GFUS: variants seen among roughly 807,000 people sequenced by gnomAD.
The protein encoded by GFUS is 3-5 epimerase/4-reductase.
A neutral mutation model predicts 41.5 loss-of-function variants in GFUS; 42 were observed. That is an observed-to-expected ratio of 1.01 (90% confidence interval 0.79 to 1.31). The LOEUF (loss-of-function observed/expected upper bound fraction) is 1.31. Among genes scored for constraint, GFUS ranks in the 50% most tolerant of loss-of-function variants. The pLI is 0.00. For synonymous variants in GFUS, 188 were observed against 173.4 expected (o/e 1.08, Z -0.66); for missense variants, 437 against 428.7 (o/e 1.02, Z -0.17).
chr8:143,614,277 T>A, intron 6 of GFUS, 43 bp downstream of exon 6: 1 of 1,613,602 alleles, frequency 6.2e-7, no homozygotes, highest in Non-Finnish European at 8.5e-7. Context: ...GGTCACCTCC[T>A]CCCGAGCTGA....
intron 1 of GFUS, chr8:143,616,935 C>T: frequency 1.6e-6 from 1 of 609,768 alleles, no homozygotes. Flanking sequence ...TCCTGAGCTA[C>T]CACCCAGCCC....
chr8:143,615,470 G>A (rs1829702338), intron 3 of GFUS, among the ~76,000 whole-genome samples: 3 of 152,294 alleles, frequency 2.0e-5, no homozygotes, highest in Admixed American at 1.3e-4. Context: ...TGGGAAGGCC[G>A]AGACACCGAC....
chr8:143,614,904 C>T lies in GFUS; in HGVS notation c.273G>A (p.Val91=). 1 of 1,607,814 alleles carries T rather than the reference C, an allele frequency of 6.2e-7. No individual in the cohort carries two copies. Among genetic ancestry groups the T allele is most frequent in the African/African-American group, 1.3e-5 (1 of 74,992 alleles). The change falls in exon 4 of 11, where the codon GTG becomes GTA. Residue 91 remains valine (V), a synonymous_variant. Coordinates refer to ENST00000425753, the MANE Select transcript of GFUS (RefSeq NM_003313.4). ...AGTGCAGGACGTTGTCGTTCATGTG[C>T]ACGTTTTTCCTCTGCAGGGGTGAGG... ...KYNLDFWRKN[V]HMNDNVLHSA... is the part of the protein sequence containing the mutation.
At position 143,616,290 on chromosome 8, in the gene GFUS, G is replaced by A. The variant is rs1829724046; in HGVS notation, c.147-70C>T. On this transcript the variant is annotated intron_variant, in intron 2 of 10. Transcript: ENST00000425753. ...CCCCAGGGTTGGGTGCCAAGTGCAGGAACTGGGTGGGACTATGGCAGGAGG... is the reference window on the plus strand; with the variant it reads ...CCCCAGGGTTGGGTGCCAAGTGCAGAAACTGGGTGGGACTATGGCAGGAGG... 5 of 1,451,502 alleles carry A rather than the reference G, an allele frequency of 3.4e-6. No homozygotes were observed. In the African/African-American group the frequency reaches 5.6e-5, roughly 16 times the overall value. The allele number at this position is 1,451,502 out of a possible 1,614,324, so 89.9% of individuals were successfully genotyped here.
chr8:143,614,762 C>T, intron 4 of GFUS, 25 bp downstream of exon 4: 2 of 1,613,448 alleles, frequency 1.2e-6, no homozygotes, highest in South Asian at 1.1e-5. Flanking sequence ...CCCGGCCCCA[C>T]CCACAGCCAG....
chr8:143,613,500 C>A (rs1394340250), intron 9 of GFUS, 24 bp downstream of exon 9: 18 of 1,608,682 alleles, frequency 1.1e-5, no homozygotes, highest in Non-Finnish European at 1.5e-5. Context: ...CCGCCCAACC[C>A]CCAGCACTGG....
Position 143,614,216 on chromosome 8 carries a change from G to A in GFUS, c.611C>T (p.Ala204Val). Residue 204 changes from alanine to valine, a missense_variant, in exon 7 of 11, where the codon GCC becomes GTC. Transcript: ENST00000425753. The stretch of plus-strand genomic sequence containing the variant: ...ATTCCCTGTACCCCACACCGTCAGG[G>A]CCGAGCCGCTGCCTGCAGATTTGGG... The part of the protein sequence containing the change: ...KVHLAKSSGS[A>V]LTVWGTGNPR... 1.2e-6 allele frequency: 2 copies of A among 1,613,556 alleles called. No individual in the cohort carries two copies. The highest frequency in any genetic ancestry group is 1.7e-6 in the Non-Finnish European group (2 of 1,180,016).
At chr8:143,617,774 G>A (rs1409103050), upstream of GFUS, among the ~76,000 whole-genome samples, 1 of 152,112 alleles carries the variant, frequency 6.6e-6, no homozygotes, top group African/African-American at 2.4e-5. Context: ...TGGGACGGCG[G>A]AAGGACACGA....
chr8:143,614,161 C>T lies in GFUS; in HGVS notation c.663+3G>A, dbSNP rs762686594. ...GGGGAGAGCTGTGCCTTCCTTTACGCACCAGCGAGTATATGAACTGCCTCC... is the reference window on the plus strand; with the variant it reads ...GGGGAGAGCTGTGCCTTCCTTTACGTACCAGCGAGTATATGAACTGCCTCC... On this transcript the variant is annotated splice_donor_region_variant and intron_variant, in intron 7 of 10. Transcript: ENST00000425753. 4 of 1,613,062 alleles carry T rather than the reference C, an allele frequency of 2.5e-6. No homozygotes were observed. Among genetic ancestry groups the T allele is most frequent in the East Asian group, 2.2e-5 (1 of 44,880 alleles).
Position 143,616,142 on chromosome 8 carries a change from G to A in GFUS, c.225C>T (p.Gly75=), listed in dbSNP as rs976603804. ...HVIHLAAMVG[G]LFRNIKYNLD... is the part of the protein sequence containing the mutation. ...AATTGTATTTGATATTCCGGAACAG[G>A]CCCCCCACCATTGCAGCAAGATGGA... Residue 75 remains glycine, a synonymous_variant, in exon 3 of 11, where the codon GGC becomes GGT. Transcript: ENST00000425753. 10 of 1,611,286 alleles carry A rather than the reference G, an allele frequency of 6.2e-6. No individual in the cohort carries two copies. The highest frequency in any genetic ancestry group is 7.6e-6 in the Non-Finnish European group (9 of 1,178,390).
intron 7 of GFUS, 149 bp from the exon 8 acceptor site, chr8:143,613,966 G>T: frequency 1.7e-6 from 2 of 1,156,184 alleles, no homozygotes; most frequent in Non-Finnish European, 1.2e-6. Context: ...GGAGCTCAGA[G>T]CTACGCCAGT....
intron 6 of GFUS, 44 bp from the exon 7 acceptor site, chr8:143,614,272 C>T (rs373238836): frequency 1.7e-4 from 276 of 1,613,620 alleles, no homozygotes; most frequent in Non-Finnish European, 2.2e-4. Context: ...CACTGGGTCA[C>T]CTCCTCCCGA....
rs368114593 is a variant in GFUS at position 143,613,561 on chromosome 8, G to A, written c.773C>T (p.Ala258Val). 1.5e-5 allele frequency: 24 copies of A among 1,611,202 alleles called. No homozygotes were observed. In the African/African-American group the frequency reaches 1.7e-4, roughly 12 times the overall value. Residue 258 changes from alanine to valine, a missense_variant, in exon 9 of 11, where the codon GCG (alanine) becomes GTG (valine). By Grantham distance (64) the Ala-to-Val change is moderately conservative. Coordinates refer to ENST00000425753, the MANE Select transcript of GFUS (RefSeq NM_003313.4). ...ATGGAAGTCCATGGCCTCCACCACC[G>A]CCTCGGCTGCCTCCTTGATGGAGAC... ...DEVSIKEAAEAVVEAMDFHGE... is the reference protein window; with the variant it reads ...DEVSIKEAAEVVVEAMDFHGE...
Position 143,613,265 on chromosome 8 carries a change from T to C in GFUS, c.841A>G (p.Lys281Glu). 6.2e-7 allele frequency: 1 copy of C among 1,614,058 alleles called. No homozygotes were observed. Among genetic ancestry groups the C allele is most frequent in the Admixed American group, 1.7e-5 (1 of 60,024 alleles). Reference sequence around the variant, plus strand: ...AGCTTGCTGTTACTGGCTGTCTTCTTAAACTGCCCATCCGACTTGGTTGTA... The same window carrying C: ...AGCTTGCTGTTACTGGCTGTCTTCTCAAACTGCCCATCCGACTTGGTTGTA... The part of the protein sequence containing the change: ...FDTTKSDGQF[K>E]KTASNSKLRT... The change falls in exon 10 of 11, where the codon AAG (lysine) becomes GAG (glutamate). Residue 281 changes from lysine (K) to glutamate (E), a missense_variant. By Grantham distance (56) the Lys-to-Glu change is moderately conservative. Coordinates refer to ENST00000425753, the MANE Select transcript of GFUS (RefSeq NM_003313.4).
chr8:143,616,714 T>C lies in GFUS; in HGVS notation c.-2A>G. On this transcript the variant is annotated 5_prime_UTR_variant, in exon 2 of 11. Transcript: ENST00000425753. Reference sequence around the variant, plus strand: ...CATGGATCCCTGGGGTTCACCCATGTCAGTTGCACCTGTAATGTCAAACAG... The same window carrying C: ...CATGGATCCCTGGGGTTCACCCATGCCAGTTGCACCTGTAATGTCAAACAG... The C allele has an allele frequency of 1.2e-6, 2 of 1,613,596 alleles. No individual in the cohort carries two copies. Among genetic ancestry groups the C allele is most frequent in the Non-Finnish European group, 1.7e-6 (2 of 1,179,972 alleles).
intron 8 of GFUS, 43 bp from the exon 9 acceptor site, chr8:143,613,646 G>A (rs373366785): frequency 7.5e-6 from 12 of 1,602,566 alleles, no homozygotes; most frequent in African/African-American, 4.0e-5. Context: ...GGTGCCACCC[G>A]ACGGCCCATG....
Position 143,614,243 on chromosome 8 carries a change from A to C in GFUS, c.599-15T>G. 1 of 1,613,706 alleles carries C rather than the reference A, an allele frequency of 6.2e-7. No individual in the cohort carries two copies. Among genetic ancestry groups the C allele is most frequent in the Non-Finnish European group, 8.5e-7 (1 of 1,179,994 alleles). ...CGAGCCGCTGCCTGCAGATTTGGGG[A>C]AGGAGCAGGTGTCAGAGGCACTGGG... On this transcript the variant is annotated splice_polypyrimidine_tract_variant and intron_variant, in intron 6 of 10. Transcript: ENST00000425753.
intron 5 of GFUS, 52 bp from the exon 6 acceptor site, chr8:143,614,505 C>T: frequency 1.3e-6 from 2 of 1,576,976 alleles, no homozygotes; most frequent in Non-Finnish European, 1.7e-6. Context: ...GATCCCACCC[C>T]AGGCTGCCGC....
At chr8:143,613,695 C>T (rs1829639191) in intron 8 of GFUS, 56 bp downstream of exon 8, 2 of 1,567,190 alleles carry the variant, frequency 1.3e-6, no homozygotes. Context: ...CCTCCCAGGA[C>T]AACCTTGGAT....
Sources: allele counts gnomAD v4.1 joint callset (sites outside exome capture counted in the v4.1 genomes callset), GRCh38; gene constraint gnomAD v4.1.1; transcripts MANE v1.5; gene names NCBI Gene and HGNC (gene_info 2026-07-23, HGNC 2026-07-21).